RERE: variants seen among roughly 807,000 people sequenced by gnomAD.
RERE encodes arginine-glutamic acid dipeptide repeats protein.
In RERE, 40 loss-of-function variants were observed where a neutral mutation model predicts 146.1. The ratio of observed to expected loss-of-function variants is 0.27; its 90% confidence interval spans 0.21 to 0.36. The LOEUF (loss-of-function observed/expected upper bound fraction) is 0.36. Among genes scored for constraint, RERE ranks in the 10% least tolerant of loss-of-function variants. RERE has a pLI of 1.00. For synonymous variants in RERE, 1,003 were observed against 866.0 expected, an observed-to-expected ratio of 1.16 and a Z score of -2.78; for missense variants, 1,933 against 2,138.7, an observed-to-expected ratio of 0.90 and a Z score of 1.90.
intron 4 of RERE, among the ~76,000 whole-genome samples, chr1:8,601,629 CACACA>C (rs1248277422): frequency 7.6e-5 from 6 of 78,668 alleles, no homozygotes; most frequent in Non-Finnish European, 2.9e-5. Flanking sequence ...AAGGTCACCA[CACACA>C]CACACACACA....
At chr1:8,717,897 T>A in intron 1 of RERE, among the ~76,000 whole-genome samples, 1 of 152,312 alleles carries the variant, frequency 6.6e-6, no homozygotes, top group South Asian at 2.1e-4. Flanking sequence ...CAAGTGGTGA[T>A]TGAAGAGTCA....
intron 8 of RERE, among the ~76,000 whole-genome samples, chr1:8,499,103 T>C (rs1207264625): frequency 1.3e-5 from 2 of 152,142 alleles, no homozygotes; most frequent in East Asian, 3.9e-4. Flanking sequence ...ATGACCACCA[T>C]AACCAGCAGA....
At chr1:8,642,870 AAC>A (rs780102483) in intron 2 of RERE, among the ~76,000 whole-genome samples, 4 of 152,208 alleles carry the variant, frequency 2.6e-5, no homozygotes, top group Admixed American at 6.5e-5. Context: ...CTAAAGGAAG[AAC>A]AGCTGAGACA....
At chr1:8,458,577 G>A (rs1015392058) in intron 11 of RERE, among the ~76,000 whole-genome samples, 7 of 152,074 alleles carry the variant, frequency 4.6e-5, no homozygotes, top group East Asian at 1.9e-4. Context: ...GCGCATGCGC[G>A]CACACACACA....
chr1:8,499,210 T>C (rs1216682925), intron 8 of RERE, among the ~76,000 whole-genome samples: 1 of 152,246 alleles, frequency 6.6e-6, no homozygotes, highest in Admixed American at 6.5e-5. Flanking sequence ...CCATGGGACA[T>C]GAAGCCTGGG....
chr1:8,733,791 C>G (rs188598935), intron 1 of RERE, among the ~76,000 whole-genome samples: 14 of 152,328 alleles, frequency 9.2e-5, no homozygotes, highest in Non-Finnish European at 1.0e-4. Flanking sequence ...TATTTTGTTA[C>G]ATATATCATA....
chr1:8,781,436 G>A (rs984837696), intron 1 of RERE, among the ~76,000 whole-genome samples: 2 of 151,770 alleles, frequency 1.3e-5, no homozygotes, highest in African/African-American at 4.8e-5. Flanking sequence ...TGGTAGGAGG[G>A]TTGCTTAAGC....
At chr1:8,759,876 CA>C (rs1640719346) in intron 1 of RERE, among the ~76,000 whole-genome samples, 1 of 150,692 alleles carries the variant, frequency 6.6e-6, no homozygotes, top group African/African-American at 2.5e-5. Context: ...CACACACACA[CA>C]ATATGTCTTG....
chr1:8,621,100 T>C (rs1407899524), intron 3 of RERE, among the ~76,000 whole-genome samples: 3 of 152,070 alleles, frequency 2.0e-5, no homozygotes, highest in East Asian at 1.9e-4. Flanking sequence ...CCATGGATCT[T>C]ATCCCCATAG....
chr1:8,401,157 A>G (rs770394197), intron 12 of RERE, among the ~76,000 whole-genome samples: 2 of 149,752 alleles, frequency 1.3e-5, no homozygotes, highest in Non-Finnish European at 3.0e-5. Context: ...TCATCGTTAC[A>G]AAGAACACTG....
At chr1:8,550,093 T>C (rs573780642) in intron 6 of RERE, among the ~76,000 whole-genome samples, 10 of 152,336 alleles carry the variant, frequency 6.6e-5, no homozygotes, top group Non-Finnish European at 1.0e-4. Context: ...AACTGTACTA[T>C]AGTTGTAGAA....
chr1:8,556,387 A>T, intron 6 of RERE, 88 bp downstream of exon 6: 1 of 793,884 alleles, frequency 1.3e-6, no homozygotes, highest in Admixed American at 1.8e-5. Flanking sequence ...TAATACAGTG[A>T]CTACTAAAAG....
At chr1:8,478,474 TG>T (rs931505321) in intron 10 of RERE, among the ~76,000 whole-genome samples, 42 of 152,172 alleles carry the variant, frequency 2.8e-4, no homozygotes, top group African/African-American at 8.0e-4. Flanking sequence ...ATACCAGGTG[TG>T]GGGAGAAGGC....
intron 1 of RERE, among the ~76,000 whole-genome samples, chr1:8,768,160 A>T (rs1449721205): frequency 1.3e-5 from 2 of 152,126 alleles, no homozygotes; most frequent in African/African-American, 2.4e-5. Flanking sequence ...TTAGTAGCAT[A>T]ATGACTTTCT....
intron 4 of RERE, among the ~76,000 whole-genome samples, chr1:8,613,740 C>T (rs1646818512): frequency 6.6e-6 from 1 of 152,130 alleles, no homozygotes; most frequent in Non-Finnish European, 1.5e-5. Context: ...GTCAATGTAA[C>T]TGCAACTACA....
chr1:8,526,367 A>G (rs1328458291), intron 7 of RERE, among the ~76,000 whole-genome samples: 6 of 151,758 alleles, frequency 4.0e-5, no homozygotes, highest in African/African-American at 1.5e-4. Context: ...CAAAAGACAG[A>G]TATGAATGAC....
chr1:8,423,794 G>T lies in RERE; in HGVS notation c.1204-987C>A. 1 of 686,156 alleles carries T rather than the reference G, an allele frequency of 1.5e-6. No homozygotes were observed. The highest frequency in any genetic ancestry group is 1.8e-6 in the Non-Finnish European group (1 of 559,838). 42.5% of individuals were successfully genotyped at this position (686,156 alleles called of 1,614,324 possible). On this transcript the variant is annotated intron_variant, in intron 11 of 22. Transcript: ENST00000400908. This position sits in a 1 kb window ranked among gnomAD's most constrained non-coding sequence, Gnocchi z 5.4. ...ACGGGGGAGGAGGCAGGAGCGCGGCGCGCAGAGCCCGGCGCGGCCGCGGGC... is the reference window on the plus strand; with the variant it reads ...ACGGGGGAGGAGGCAGGAGCGCGGCTCGCAGAGCCCGGCGCGGCCGCGGGC...
At chr1:8,589,089 A>T (rs1646460958) in intron 4 of RERE, among the ~76,000 whole-genome samples, 1 of 151,938 alleles carries the variant, frequency 6.6e-6, no homozygotes. Flanking sequence ...GTGCCACTAC[A>T]CTCCAGCCTG....
At chr1:8,486,205 A>G (rs988534594) in intron 10 of RERE, among the ~76,000 whole-genome samples, 4 of 152,126 alleles carry the variant, frequency 2.6e-5, no homozygotes, top group African/African-American at 7.3e-5. Flanking sequence ...AACCACTGAC[A>G]CTGCATAACA....
Sources: gnomAD v4.1 joint callset for allele counts (sites outside exome capture counted in the v4.1 genomes callset) on GRCh38, gnomAD v4.1.1 for gene constraint, Gnocchi (gnomAD v3.1) non-coding constraint, MANE v1.5 for transcripts, NCBI Gene and HGNC (gene_info 2026-07-23, HGNC 2026-07-21) for gene names.